The following CDH13 variants were observed in gnomAD, a reference collection of about 807,000 sequenced individuals.
The protein encoded by CDH13 is cadherin 13.
In CDH13, 24 loss-of-function variants were observed where a neutral mutation model predicts 63.8. The observed-to-expected ratio is 0.38, with a 90% CI of 0.27 to 0.53. The LOEUF (loss-of-function observed/expected upper bound fraction) is 0.53, where lower values mean the gene tolerates loss of function less well. CDH13 is among the 20% of genes least tolerant of loss of function. The probability of loss-of-function intolerance (pLI) is 0.85; values close to 1 mark genes in which losing one functional copy is unlikely to be tolerated. For synonymous variants in CDH13, 503 were observed against 355.3 expected (o/e 1.42, Z -4.67); for missense variants, 1,049 against 903.1 (o/e 1.16, Z -2.07).
chr16:82,788,843 T>C (rs920554057), intron 1 of CDH13, among the ~76,000 whole-genome samples: 4 of 152,210 alleles, frequency 2.6e-5, no homozygotes, highest in African/African-American at 7.2e-5. Context: ...GGTAGCATAA[T>C]TGACATGCAT....
intron 10 of CDH13, among the ~76,000 whole-genome samples, chr16:83,747,567 T>C (rs1912706211): frequency 1.3e-5 from 2 of 150,848 alleles, no homozygotes; most frequent in South Asian, 2.1e-4. Context: ...TAACTCATAT[T>C]CTCTCTTCCT....
rs947576048 is a variant in CDH13, at chr16:83,774,192, C to T, written c.1682-5776C>T. 6.6e-5 allele frequency among the ~76,000 whole-genome samples: 10 copies of T among 152,280 alleles called. 1 individual carries two copies. The highest frequency in any genetic ancestry group is 5.9e-5 in the Non-Finnish European group (4 of 68,028). On this transcript the variant is annotated intron_variant, in intron 11 of 13. Coordinates refer to ENST00000567109, the MANE Select transcript of CDH13 (RefSeq NM_001257.5). ...AGCAAGCCTAGGACATTGGTCCCAG[C>T]GCCTATCCTGCCTATTGTCCTACTA...
At chr16:83,624,346 C>G (rs1198027793) in intron 8 of CDH13, among the ~76,000 whole-genome samples, 1 of 151,522 alleles carries the variant, frequency 6.6e-6, no homozygotes, top group Admixed American at 6.7e-5. Context: ...ACGCCCCCAC[C>G]CCTGCCCCAG....
chr16:83,091,138 G>A (rs1005184145), intron 3 of CDH13, among the ~76,000 whole-genome samples: 2 of 151,894 alleles, frequency 1.3e-5, no homozygotes, highest in South Asian at 4.2e-4. Context: ...TTTCTCCCCT[G>A]GGAAATATTT....
At chr16:83,022,325 T>C (rs548854743) in intron 2 of CDH13, among the ~76,000 whole-genome samples, 154 of 152,220 alleles carry the variant, frequency 1.0e-3, no homozygotes, top group Non-Finnish European at 1.9e-3. Flanking sequence ...AATACCAGGA[T>C]AGCTGGGTCT....
intron 2 of CDH13, among the ~76,000 whole-genome samples, chr16:82,971,220 T>C (rs990358979): frequency 2.0e-5 from 3 of 152,198 alleles, no homozygotes; most frequent in Non-Finnish European, 2.9e-5. Context: ...ACCAGCAGGA[T>C]TCAGTTCTAG....
intron 1 of CDH13, among the ~76,000 whole-genome samples, chr16:82,842,134 A>G (rs1475110525): frequency 4.2e-5 from 2 of 48,016 alleles, no homozygotes; most frequent in South Asian, 1.1e-3. Context: ...ATATATATAT[A>G]TATACACATA....
intron 10 of CDH13, among the ~76,000 whole-genome samples, chr16:83,708,363 G>A (rs919088420): frequency 6.6e-6 from 1 of 152,234 alleles, no homozygotes; most frequent in African/African-American, 2.4e-5. Context: ...TTAGCCAGAG[G>A]AGGTAGCATG....
At chr16:83,524,745 C>G (rs1027642504) in intron 7 of CDH13, among the ~76,000 whole-genome samples, 1 of 152,108 alleles carries the variant, frequency 6.6e-6, no homozygotes, top group Non-Finnish European at 1.5e-5. Flanking sequence ...AGCCACCTCG[C>G]CCGGCCAAAT....
intron 2 of CDH13, among the ~76,000 whole-genome samples, chr16:82,862,003 A>C (rs2039965424): frequency 6.6e-6 from 1 of 152,222 alleles, no homozygotes; most frequent in Admixed American, 6.5e-5. Flanking sequence ...AGAAGAAAGG[A>C]GAAGTCAGCT....
chr16:82,763,445 T>C (rs1442755330), intron 1 of CDH13, among the ~76,000 whole-genome samples: 2 of 152,154 alleles, frequency 1.3e-5, no homozygotes, highest in East Asian at 3.9e-4. Context: ...AGAGCACCTG[T>C]GACATAGTGA....
At chr16:82,714,621 G>C (rs1232699538) in intron 1 of CDH13, among the ~76,000 whole-genome samples, 1 of 144,774 alleles carries the variant, frequency 6.9e-6, no homozygotes, top group Non-Finnish European at 1.5e-5. Flanking sequence ...GCCTGAGGCA[G>C]GAGAATGGCT....
chr16:82,772,368 G>C (rs542171442), intron 1 of CDH13, among the ~76,000 whole-genome samples: 1 of 152,250 alleles, frequency 6.6e-6, no homozygotes, highest in East Asian at 1.9e-4. Context: ...GGATGGTGCA[G>C]GGACAGCATC....
intron 1 of CDH13, among the ~76,000 whole-genome samples, chr16:82,702,728 G>A (rs531322022): frequency 6.2e-4 from 94 of 152,250 alleles, no homozygotes; most frequent in Non-Finnish European, 9.6e-4. Context: ...ATAAAAGTAT[G>A]AAGATGATCA....
At chr16:83,366,205 C>T (rs562034942) in intron 6 of CDH13, among the ~76,000 whole-genome samples, 10 of 152,116 alleles carry the variant, frequency 6.6e-5, no homozygotes, top group Admixed American at 2.6e-4. Flanking sequence ...ATCAAAAGTT[C>T]GTTTTCAAAT....
At chr16:82,949,013 A>G (rs1390037506) in intron 2 of CDH13, among the ~76,000 whole-genome samples, 7 of 152,160 alleles carry the variant, frequency 4.6e-5, no homozygotes, top group African/African-American at 1.7e-4. Flanking sequence ...ATTGTGAGAG[A>G]GTTTTCAAAT....
At position 82,646,680 on chromosome 16, in the gene CDH13, C is replaced by G. The variant is rs564168756; in HGVS notation, c.45+19543C>G. ...TTTCATTCAAACCTATGAGGTGCAT[C>G]TTGTCATCATCCCCATCTACAGATG... On this transcript the variant is annotated intron_variant, in intron 1 of 13. Coordinates refer to ENST00000567109, the MANE Select transcript of CDH13 (RefSeq NM_001257.5). 2.6e-5 allele frequency among the ~76,000 whole-genome samples: 4 copies of G among 152,144 alleles called. No individual in the cohort carries two copies. In the South Asian group the frequency reaches 8.3e-4, roughly 32 times the overall value.
intron 8 of CDH13, among the ~76,000 whole-genome samples, chr16:83,661,695 C>A (rs1258301882): frequency 6.6e-6 from 1 of 152,080 alleles, no homozygotes; most frequent in Admixed American, 6.6e-5. Context: ...TAGACAGGGT[C>A]ATGTAGAGGA....
chr16:83,554,689 A>G (rs1019247252), intron 7 of CDH13, among the ~76,000 whole-genome samples: 4 of 150,840 alleles, frequency 2.7e-5, no homozygotes, highest in Non-Finnish European at 5.9e-5. Context: ...ACACACACGC[A>G]CACACACAAA....
Sources: gnomAD v4.1 joint callset for allele counts (sites outside exome capture counted in the v4.1 genomes callset) on GRCh38, gnomAD v4.1.1 for gene constraint, MANE v1.5 for transcripts, NCBI Gene and HGNC (gene_info 2026-07-23, HGNC 2026-07-21) for gene names.